RAPGEF1: variants seen among roughly 807,000 people sequenced by gnomAD.
RAPGEF1 encodes CRK SH3-binding GNRP.
Under a neutral mutation model 143.3 loss-of-function variants are expected in RAPGEF1, and 33 were observed. That is an observed-to-expected ratio of 0.23 (90% CI 0.17 to 0.31). The LOEUF (loss-of-function observed/expected upper bound fraction) is 0.31, where lower values mean the gene tolerates loss of function less well. RAPGEF1 is among the 10% of genes least tolerant of loss of function. RAPGEF1 has a pLI of 1.00. For missense variants in RAPGEF1, 1,199 were observed against 1,645.4 expected, an observed-to-expected ratio of 0.73 and a Z score of 4.69; for synonymous variants, 629 against 676.5, an observed-to-expected ratio of 0.93 and a Z score of 1.09.
At chr9:131,639,164 C>T (rs902776286) in intron 4 of RAPGEF1, among the ~76,000 whole-genome samples, 1 of 152,182 alleles carries the variant, frequency 6.6e-6, no homozygotes, top group African/African-American at 2.4e-5. Context: ...CAGGTCCAAG[C>T]AGTGTATACT....
chr9:131,723,804 T>A (rs1836441233), intron 1 of RAPGEF1, among the ~76,000 whole-genome samples: 1 of 152,174 alleles, frequency 6.6e-6, no homozygotes, highest in Non-Finnish European at 1.5e-5. Context: ...AGGTATATAC[T>A]TTGCTGGATC....
At chr9:131,734,174 AC>A (rs1837271363) in intron 1 of RAPGEF1, among the ~76,000 whole-genome samples, 4 of 152,252 alleles carry the variant, frequency 2.6e-5, no homozygotes, top group African/African-American at 9.6e-5. Flanking sequence ...GTCCCCAGCA[AC>A]CAGGGAGGCT....
chr9:131,632,295 AT>A lies in RAPGEF1; in HGVS notation c.652-1972del, dbSNP rs55684326. Among the ~76,000 whole-genome samples, 361 of 136,050 alleles carry A rather than the reference AT, an allele frequency of 2.7e-3. 1 individual carries two copies. Among genetic ancestry groups the A allele is most frequent in the Middle Eastern group, 7.6e-3 (2 of 264 alleles). 89.3% of individuals were successfully genotyped at this position (136,050 alleles called of 152,430 possible). On this transcript the variant is annotated intron_variant, in intron 5 of 26. Coordinates refer to ENST00000683357, the MANE Select transcript of RAPGEF1 (RefSeq NM_001377935.1). ...AGGCACCTGCCACTGCACCCGGCTA[AT>A]TTTTTTTTTTTTTTTTGTATTTTTA...
intron 1 of RAPGEF1, among the ~76,000 whole-genome samples, chr9:131,665,454 C>CA (rs1830272068): frequency 6.6e-6 from 1 of 152,180 alleles, no homozygotes; most frequent in Non-Finnish European, 1.5e-5. Flanking sequence ...CTTTATTCCT[C>CA]AAATGGACGA....
At chr9:131,586,967 AACACAC>A (rs770094684) in intron 22 of RAPGEF1, among the ~76,000 whole-genome samples, 3 of 28,696 alleles carry the variant, frequency 1.0e-4, no homozygotes, top group East Asian at 1.1e-3. Flanking sequence ...CTCCGTCTCA[AACACAC>A]ACACACACAC....
intron 6 of RAPGEF1, among the ~76,000 whole-genome samples, 166 bp downstream of exon 6, chr9:131,630,070 T>C (rs1170406088): frequency 6.6e-6 from 1 of 152,126 alleles, no homozygotes; most frequent in African/African-American, 2.4e-5. Flanking sequence ...AGGGCAATAC[T>C]TCAAGCCTGT....
intron 12 of RAPGEF1, among the ~76,000 whole-genome samples, chr9:131,609,928 G>A (rs990081465): frequency 4.6e-5 from 7 of 152,100 alleles, no homozygotes; most frequent in East Asian, 1.9e-4. Flanking sequence ...ACAGGGTCTC[G>A]CTCTGTCACC....
At position 131,623,510 on chromosome 9, in the gene RAPGEF1, T is replaced by C. The variant is rs577065003; in HGVS notation, c.1703-1512A>G. The stretch of plus-strand genomic sequence containing the variant: ...GGAGGTCTTTCTGAACTCTTGATGT[T>C]GAAGTCCTTGTAGACACCTGCTAGC... On this transcript the variant is annotated intron_variant, in intron 10 of 26. Coordinates refer to ENST00000683357, the MANE Select transcript of RAPGEF1 (RefSeq NM_001377935.1). Among the ~76,000 whole-genome samples, 551 of 152,356 alleles carry C rather than the reference T, an allele frequency of 3.6e-3. 12 individuals carry two copies. Among genetic ancestry groups the C allele is most frequent in the Non-Finnish European group, 8.5e-4 (58 of 68,034 alleles).
In RAPGEF1 at chr9:131,650,083, CAGT is replaced by C; in HGVS notation, c.315+43_315+45del. 6.8e-7 allele frequency: 1 copy of C among 1,461,744 alleles called. No individual in the cohort carries two copies. Among genetic ancestry groups the C allele is most frequent in the East Asian group, 2.3e-5 (1 of 43,616 alleles). The allele number at this position is 1,461,744 out of a possible 1,614,324, so 90.5% of individuals were successfully genotyped here. On this transcript the variant is annotated intron_variant, in intron 3 of 26. Coordinates refer to ENST00000683357, the MANE Select transcript of RAPGEF1 (RefSeq NM_001377935.1). This position sits in a 1 kb window ranked among gnomAD's most constrained non-coding sequence, Gnocchi z 4.7. ...CCCAAAACCATGGACCAGGATTCTG[CAGT>C]AGAAGGCAAGGCAAACCCAATTGTT...
At chr9:131,647,070 C>T (rs1969855884) in intron 3 of RAPGEF1, among the ~76,000 whole-genome samples, 1 of 152,200 alleles carries the variant, frequency 6.6e-6, no homozygotes. Flanking sequence ...TGTAATTATA[C>T]CTTTGGACAC....
At position 131,596,250 on chromosome 9, in the gene RAPGEF1, A is replaced by C. The variant is rs1588289218; in HGVS notation, c.2689+48T>G. 3.8e-6 allele frequency: 6 copies of C among 1,578,736 alleles called. 1 individual carries two copies. The South Asian group carries it at 6.7e-5, about 18-fold the overall frequency. On this transcript the variant is annotated intron_variant, in intron 17 of 26. Coordinates refer to ENST00000683357, the MANE Select transcript of RAPGEF1 (RefSeq NM_001377935.1). ...GGATAGCGGTGGGAGGCCGAGTGGCACCCGGGGCAGGACCAGCCCCAATCT... is the reference window on the plus strand; with the variant it reads ...GGATAGCGGTGGGAGGCCGAGTGGCCCCCGGGGCAGGACCAGCCCCAATCT...
intron 1 of RAPGEF1, among the ~76,000 whole-genome samples, chr9:131,684,031 A>G (rs1257028509): frequency 6.6e-6 from 1 of 152,254 alleles, no homozygotes; most frequent in Non-Finnish European, 1.5e-5. Flanking sequence ...AATGCTAGAC[A>G]CTTTCACAAT....
chr9:131,586,420 C>A (rs1289222293), intron 22 of RAPGEF1, among the ~76,000 whole-genome samples: 12 of 33,058 alleles, frequency 3.6e-4, no homozygotes, highest in Non-Finnish European at 6.7e-4. Flanking sequence ...ACACACACAC[C>A]TGCAGAGCGA....
chr9:131,607,665 AGATG>A, intron 12 of RAPGEF1, among the ~76,000 whole-genome samples: 1 of 152,140 alleles, frequency 6.6e-6, no homozygotes, highest in Non-Finnish European at 1.5e-5. Flanking sequence ...CAGATCTGCC[AGATG>A]TTCATTCCCA....
chr9:131,702,188 T>G (rs766539346), intron 1 of RAPGEF1, among the ~76,000 whole-genome samples: 1 of 152,232 alleles, frequency 6.6e-6, no homozygotes, highest in Non-Finnish European at 1.5e-5. Flanking sequence ...TCACGCTGCC[T>G]AACAGTAAGC....
intron 17 of RAPGEF1, among the ~76,000 whole-genome samples, chr9:131,594,550 G>C (rs1430437860): frequency 6.6e-6 from 1 of 152,206 alleles, no homozygotes; most frequent in Non-Finnish European, 1.5e-5. Context: ...CCAGCTGCTC[G>C]TGATGCTGGT....
chr9:131,676,466 A>G (rs1832376522), intron 1 of RAPGEF1, among the ~76,000 whole-genome samples: 1 of 152,212 alleles, frequency 6.6e-6, no homozygotes, highest in Admixed American at 6.5e-5. Context: ...ACTGCCAAAC[A>G]ATGAGAAAAC....
In RAPGEF1 at chr9:131,646,375, T is replaced by C. The variant is rs1969626825; in HGVS notation, c.316-2958A>G. ...ATGTGCTGAAGTTAAAAAGTTTACT[T>C]GAGATCCCCTGGTCAAAAAGATCTC... On this transcript the variant is annotated intron_variant, in intron 3 of 26. Transcript: ENST00000683357. Among the ~76,000 whole-genome samples the C allele has an allele frequency of 2.0e-5, 3 of 152,206 alleles. No homozygotes were observed. In the South Asian group the frequency reaches 6.2e-4, roughly 31 times the overall value.
At chr9:131,616,858 C>T (rs1380778572) in intron 12 of RAPGEF1, among the ~76,000 whole-genome samples, 1 of 152,158 alleles carries the variant, frequency 6.6e-6, no homozygotes, top group Non-Finnish European at 1.5e-5. Flanking sequence ...CGTACTGAAT[C>T]CCTTCTCTGA....
Sources: gnomAD v4.1 joint callset for allele counts (sites outside exome capture counted in the v4.1 genomes callset) on GRCh38, gnomAD v4.1.1 for gene constraint, Gnocchi (gnomAD v3.1) non-coding constraint, MANE v1.5 for transcripts, NCBI Gene and HGNC (gene_info 2026-07-23, HGNC 2026-07-21) for gene names.